Variants in ZNF596 observed in about 807,000 individuals in gnomAD.
ZNF596 encodes the protein zinc finger protein 596.
A neutral mutation model predicts 48.3 loss-of-function variants in ZNF596; 45 were observed. The ratio of observed to expected loss-of-function variants is 0.93; its 90% CI spans 0.73 to 1.19. The LOEUF (loss-of-function observed/expected upper bound fraction) is 1.19, where lower values mean the gene tolerates loss of function less well. Among genes scored for constraint, ZNF596 ranks in the 50% most tolerant of loss-of-function variants. The pLI is 0.00. For synonymous variants in ZNF596, 270 were observed against 202.0 expected, an observed-to-expected ratio of 1.34 and a Z score of -2.85; for missense variants, 848 against 599.7, an observed-to-expected ratio of 1.41 and a Z score of -4.32.
Position 246,566 on chromosome 8 carries a change from G to A in ZNF596, c.*204G>A, listed in dbSNP as rs1416899432. 1.1e-5 allele frequency: 6 copies of A among 533,406 alleles called. No individual in the cohort carries two copies. Among genetic ancestry groups the A allele is most frequent in the Non-Finnish European group, 1.9e-5 (6 of 321,692 alleles). The allele number at this position is 533,406 out of a possible 1,614,324, so 33.0% of individuals were successfully genotyped here. A position where few individuals can be genotyped will look rare whatever the true frequency, so the allele number is the denominator to read the frequency against. On this transcript the variant is annotated 3_prime_UTR_variant, in exon 6 of 6. Transcript: ENST00000398612. ...TCTAGGCTGACCATATACAACGTGA[G>A]AGAATGAAACTATAGATCAAAGGAA...
chr8:241,473 G>A (rs995130249), intron 2 of ZNF596, among the ~76,000 whole-genome samples: 2 of 152,112 alleles, frequency 1.3e-5, no homozygotes, highest in South Asian at 4.1e-4. Flanking sequence ...GTGAACTTTT[G>A]AAAAACTTAA....
Position 240,914 on chromosome 8 carries a change from G to T in ZNF596, c.12+7G>T, listed in dbSNP as rs559499738. On this transcript the variant is annotated splice_region_variant and intron_variant, in intron 2 of 5. Coordinates refer to ENST00000398612, the MANE Select transcript of ZNF596 (RefSeq NM_001042416.3). ...TAGTACAATGCCATCACCGGTGAGT[G>T]GGAAATTCTTCTTTCTACTGAAATT... The T allele has an allele frequency of 6.2e-7, 1 of 1,614,088 alleles. No individual in the cohort carries two copies. Among genetic ancestry groups the T allele is most frequent in the Non-Finnish European group, 8.5e-7 (1 of 1,179,978 alleles).
rs749305299 is a variant in ZNF596, at chr8:245,566, A to G, written c.719A>G (p.Lys240Arg). Residue 240 changes from lysine (K) to arginine (R), a missense_variant, in exon 6 of 6, where the codon AAA becomes AGA. Physicochemically the swap from Lys to Arg is conservative, Grantham distance 26. Transcript: ENST00000398612. ...KAFTHCSDLR[K>R]HERTHTGEKP... ...TTTACTCATTGCTCTGATCTTCGAA[A>G]ACATGAGAGAACTCACACTGGAGAG... is the stretch of plus-strand genomic sequence containing the variant. 1.9e-6 allele frequency: 3 copies of G among 1,613,796 alleles called. No homozygotes were observed. The South Asian group carries it at 3.3e-5, about 18-fold the overall frequency.
chr8:239,342 C>G (rs561564131), intron 1 of ZNF596, among the ~76,000 whole-genome samples: 1 of 152,264 alleles, frequency 6.6e-6, no homozygotes, highest in East Asian at 1.9e-4. Context: ...GTGCCTGCCA[C>G]CATGCCCAGC....
At chr8:243,058 C>G in intron 3 of ZNF596, 45 bp downstream of exon 3, 7 of 1,535,110 alleles carry the variant, frequency 4.6e-6, no homozygotes, top group Non-Finnish European at 6.2e-6. Flanking sequence ...CGGATTCATT[C>G]ACTCACTCAT....
At chr8:244,461 C>A (rs992494185) in intron 4 of ZNF596, 158 bp from the exon 5 acceptor site, 6 of 612,948 alleles carry the variant, frequency 9.8e-6, no homozygotes, top group Non-Finnish European at 1.7e-5. Context: ...TGTCAGTAGT[C>A]AATGTGCTAT....
intron 1 of ZNF596, 23 bp from the exon 2 acceptor site, chr8:240,800 GT>G (rs1406846437): frequency 6.7e-7 from 1 of 1,499,340 alleles, no homozygotes; most frequent in East Asian, 2.3e-5. Flanking sequence ...TGGTTTTTTT[GT>G]TTTTGTTTTT....
At chr8:235,157 T>C (rs1796571947) in intron 1 of ZNF596, among the ~76,000 whole-genome samples, 1 of 152,208 alleles carries the variant, frequency 6.6e-6, no homozygotes, top group African/African-American at 2.4e-5. Flanking sequence ...TTTTATTCAG[T>C]AATTGATTTA....
chr8:234,961 T>C (rs1162333175), intron 1 of ZNF596: 1 of 152,180 alleles, frequency 6.6e-6, no homozygotes, highest in Non-Finnish European at 1.5e-5. Context: ...ATCTGACAAA[T>C]CCTGGAAAAG....
chr8:246,409 T>A lies in ZNF596; in HGVS notation c.*47T>A. 3.3e-6 allele frequency: 5 copies of A among 1,525,292 alleles called. No homozygotes were observed. The highest frequency in any genetic ancestry group is 4.4e-6 in the Non-Finnish European group (5 of 1,143,804). The allele number at this position is 1,525,292 out of a possible 1,614,324, so 94.5% of individuals were successfully genotyped here. On this transcript the variant is annotated 3_prime_UTR_variant, in exon 6 of 6. Transcript: ENST00000398612. ...ACACTAAATACACCAAGGACAAACA[T>A]ACTACAGGAATATTATGTCTGTAAT...
At chr8:243,099 G>C (rs151213399) in intron 3 of ZNF596, 86 bp downstream of exon 3, 3 of 1,328,128 alleles carry the variant, frequency 2.3e-6, no homozygotes, top group East Asian at 5.2e-5. Flanking sequence ...CATTCTACAC[G>C]TGCTTAGAAC....
intron 1 of ZNF596, chr8:237,125 T>C (rs1281217603): frequency 1.3e-5 from 2 of 152,168 alleles, no homozygotes; most frequent in African/African-American, 2.4e-5. Context: ...TACATATTCA[T>C]GTTGGAATAT....
At chr8:237,651 C>G (rs1348316637) in intron 1 of ZNF596, 1 of 152,076 alleles carries the variant, frequency 6.6e-6, no homozygotes, top group Non-Finnish European at 1.5e-5. Context: ...TATTAAATTA[C>G]TCTATCATGT....
intron 1 of ZNF596, 90 bp from the exon 2 acceptor site, chr8:240,734 G>T (rs1443646956): frequency 4.9e-6 from 4 of 810,310 alleles, no homozygotes; most frequent in East Asian, 2.6e-5. Context: ...GTCCTTGTTG[G>T]TTGGACTGGG....
chr8:240,735 T>G (rs1796819476), intron 1 of ZNF596, 89 bp from the exon 2 acceptor site: 11 of 796,830 alleles, frequency 1.4e-5, no homozygotes, highest in South Asian at 9.7e-5. Context: ...TCCTTGTTGG[T>G]TGGACTGGGG....
At chr8:243,059 A>T in intron 3 of ZNF596, 46 bp downstream of exon 3, 1 of 1,533,726 alleles carries the variant, frequency 6.5e-7, no homozygotes, top group Non-Finnish European at 8.9e-7. Flanking sequence ...GGATTCATTC[A>T]CTCACTCATT....
chr8:243,481 T>C, intron 3 of ZNF596: 1 of 405,058 alleles, frequency 2.5e-6, no homozygotes, highest in East Asian at 4.2e-5. Flanking sequence ...CTGAGGATTC[T>C]GAAATCAGTA....
chr8:235,156 G>C (rs182748067), intron 1 of ZNF596, among the ~76,000 whole-genome samples: 1 of 152,180 alleles, frequency 6.6e-6, no homozygotes, highest in African/African-American at 2.4e-5. Context: ...GTTTTATTCA[G>C]TAATTGATTT....
chr8:245,823 G>A lies in ZNF596; in HGVS notation c.976G>A (p.Glu326Lys), dbSNP rs528278097. 9.9e-6 allele frequency: 16 copies of A among 1,613,972 alleles called. No individual in the cohort carries two copies. Among genetic ancestry groups the A allele is most frequent in the Middle Eastern group, 1.6e-4 (1 of 6,076 alleles). ...FSKCSYLRQHERTHNGEKPYE... is the reference protein window; with the variant it reads ...FSKCSYLRQHKRTHNGEKPYE... ...TAAATGTTCTTACCTTAGACAACAT[G>A]AAAGAACTCACAATGGAGAGAAACC... is the stretch of plus-strand genomic sequence containing the variant. The change falls in exon 6 of 6, where the codon GAA (glutamate) becomes AAA (lysine). Residue 326 changes from glutamate to lysine, a missense_variant. Coordinates refer to ENST00000398612, the MANE Select transcript of ZNF596 (RefSeq NM_001042416.3).
Sources: allele counts gnomAD v4.1 joint callset (sites outside exome capture counted in the v4.1 genomes callset), GRCh38; gene constraint gnomAD v4.1.1; transcripts MANE v1.5; gene names NCBI Gene and HGNC (gene_info 2026-07-23, HGNC 2026-07-21).